The following TRPM3 variants were observed in gnomAD, a reference collection of about 807,000 sequenced individuals.
TRPM3 encodes long transient receptor potential channel 3.
TRPM3 carries 77 observed loss-of-function variants against 181.2 expected under a neutral mutation model. The ratio of observed to expected loss-of-function variants is 0.42; its 90% CI spans 0.35 to 0.51. The LOEUF (loss-of-function observed/expected upper bound fraction) is 0.51. Ranked by LOEUF, TRPM3 falls within the 20% of genes least tolerant of loss-of-function variation. TRPM3 has a pLI of 0.01. For missense variants in TRPM3, 1,759 were observed against 2,196.7 expected, an observed-to-expected ratio of 0.80 and a Z score of 3.98; for synonymous variants, 745 against 796.4, an observed-to-expected ratio of 0.94 and a Z score of 1.09.
intron 24 of TRPM3, among the ~76,000 whole-genome samples, chr9:70,550,997 T>C (rs1256553117): frequency 6.6e-6 from 1 of 152,172 alleles, no homozygotes; most frequent in Non-Finnish European, 1.5e-5. Context: ...GCACAGATGA[T>C]TGCTATTGCT....
chr9:70,566,801 G>C (rs541143051), intron 22 of TRPM3, among the ~76,000 whole-genome samples: 2 of 152,288 alleles, frequency 1.3e-5, no homozygotes, highest in Admixed American at 6.5e-5. Flanking sequence ...TCCACCTACT[G>C]TAAGAAATGG....
intron 18 of TRPM3, 136 bp downstream of exon 18, chr9:70,615,772 G>A (rs1215004443): frequency 1.5e-5 from 13 of 851,906 alleles, no homozygotes; most frequent in Middle Eastern, 5.2e-4. Flanking sequence ...TGAAATGAAA[G>A]CACTCCATGA....
chr9:70,769,529 G>A (rs1165450987), intron 7 of TRPM3, among the ~76,000 whole-genome samples: 1 of 151,948 alleles, frequency 6.6e-6, no homozygotes, highest in East Asian at 1.9e-4. Context: ...AAGCTTTAGT[G>A]AAGACATGCT....
intron 1 of TRPM3, among the ~76,000 whole-genome samples, chr9:70,904,575 A>G (rs2096435386): frequency 6.6e-6 from 1 of 152,186 alleles, no homozygotes; most frequent in Non-Finnish European, 1.5e-5. Context: ...TGCTGGGGCC[A>G]ACACATATTA....
intron 1 of TRPM3, among the ~76,000 whole-genome samples, chr9:71,399,216 A>G (rs888139396): frequency 3.3e-5 from 5 of 152,194 alleles, no homozygotes; most frequent in African/African-American, 4.8e-5. Flanking sequence ...ATTAAAAATC[A>G]TGACTTAGAA....
At position 71,121,371 on chromosome 9, in the gene TRPM3, C is replaced by A. The variant is rs751961616; in HGVS notation, c.-17G>T. 4.3e-6 allele frequency: 7 copies of A among 1,611,944 alleles called. No homozygotes were observed. The highest frequency in any genetic ancestry group is 1.1e-5 in the South Asian group (1 of 90,860). ...CTCTGGCATCCCATGGTCATCTCCA[C>A]ACCTGCAAATTCCATTAGGGCAGAG... On this transcript the variant is annotated 5_prime_UTR_variant, in exon 1 of 26. Coordinates refer to ENST00000677713, the MANE Select transcript of TRPM3 (RefSeq NM_001366145.2).
At chr9:71,400,685 A>G (rs2093321621) in intron 1 of TRPM3, among the ~76,000 whole-genome samples, 1 of 152,120 alleles carries the variant, frequency 6.6e-6, no homozygotes, top group African/African-American at 2.4e-5. Flanking sequence ...ATAGTTTACT[A>G]TTACTGGTAA....
At chr9:70,905,414 A>T (rs1000803765) in intron 1 of TRPM3, among the ~76,000 whole-genome samples, 4 of 152,154 alleles carry the variant, frequency 2.6e-5, no homozygotes, top group South Asian at 2.1e-4. Context: ...AGCAACTGTT[A>T]ACATCTTACA....
At chr9:71,231,028 A>G (rs2081015711) in intron 1 of TRPM3, among the ~76,000 whole-genome samples, 1 of 152,234 alleles carries the variant, frequency 6.6e-6, no homozygotes, top group African/African-American at 2.4e-5. Flanking sequence ...TAAAGGAATA[A>G]AGTAATGTTC....
rs76713720 is a variant in TRPM3, at chr9:70,823,661, A to C, written c.973+4186T>G. ...AAAAACTATCGGCCATCACACAGTT[A>C]GTCATTTTCTTACTTATTACTATGG... is the stretch of plus-strand genomic sequence containing the variant. On this transcript the variant is annotated intron_variant, in intron 6 of 25. Coordinates refer to ENST00000677713, the MANE Select transcript of TRPM3 (RefSeq NM_001366145.2). 8.3e-3 allele frequency among the ~76,000 whole-genome samples: 1,230 copies of C among 148,736 alleles called. 7 individuals carry two copies. The highest frequency in any genetic ancestry group is 0.014 in the Non-Finnish European group (912 of 67,050).
chr9:70,603,261 G>T lies in TRPM3; in HGVS notation c.2796+81C>A. On this transcript the variant is annotated intron_variant, in intron 20 of 25. Transcript: ENST00000677713. ...AGTTTCCGGCTTAATTTGCATCCCA[G>T]GCATCTTCCTGTCCCCTCCATCCAC... 1.3e-5 allele frequency: 19 copies of T among 1,498,276 alleles called. No homozygotes were observed. The South Asian group carries it at 2.2e-4, about 17-fold the overall frequency. 92.8% of individuals were successfully genotyped at this position (1,498,276 alleles called of 1,614,324 possible). A position where few individuals can be genotyped will look rare whatever the true frequency, so the allele number is the denominator to read the frequency against.
At position 70,534,557 on chromosome 9, in the gene TRPM3, A is replaced by G. The variant is rs950260601; in HGVS notation, c.*1396T>C. 1 of 152,226 alleles carries G rather than the reference A, an allele frequency of 6.6e-6. No individual in the cohort carries two copies. Among genetic ancestry groups the G allele is most frequent in the Non-Finnish European group, 1.5e-5 (1 of 68,032 alleles). The allele number at this position is 152,226 out of a possible 1,614,324, so 9.4% of individuals were successfully genotyped here. ...TACATGTGTATAAGTGGCATATACT[A>G]TAGAACTCTTTATATGGTTTATTTG... is the stretch of plus-strand genomic sequence containing the variant. On this transcript the variant is annotated 3_prime_UTR_variant, in exon 26 of 26. Transcript: ENST00000677713.
intron 6 of TRPM3, among the ~76,000 whole-genome samples, chr9:70,821,745 C>T (rs1040730219): frequency 3.9e-5 from 6 of 152,092 alleles, no homozygotes; most frequent in Admixed American, 6.6e-5. Context: ...CATTCATAGA[C>T]ACTGATGGTA....
chr9:71,146,656 G>T (rs1302762825), intron 1 of TRPM3, among the ~76,000 whole-genome samples: 1 of 151,976 alleles, frequency 6.6e-6, no homozygotes, highest in Non-Finnish European at 1.5e-5. Context: ...TGTCAGGTTG[G>T]TAACACTCAG....
chr9:71,110,198 T>G (rs2070755030), intron 1 of TRPM3, among the ~76,000 whole-genome samples: 1 of 152,102 alleles, frequency 6.6e-6, no homozygotes, highest in Non-Finnish European at 1.5e-5. Flanking sequence ...CCGTCATTCC[T>G]AAGTAAATTC....
intron 1 of TRPM3, among the ~76,000 whole-genome samples, chr9:70,891,334 A>G (rs2096199444): frequency 6.6e-6 from 1 of 152,214 alleles, no homozygotes; most frequent in Non-Finnish European, 1.5e-5. Context: ...TGCTGGGAAA[A>G]GGGAATAAAA....
intron 1 of TRPM3, among the ~76,000 whole-genome samples, chr9:71,415,067 C>T (rs1245908402): frequency 6.6e-6 from 1 of 151,976 alleles, no homozygotes; most frequent in Non-Finnish European, 1.5e-5. Context: ...AAAGCAGTCA[C>T]AATTATCATT....
intron 10 of TRPM3, 78 bp from the exon 11 acceptor site, chr9:70,639,272 T>TA: frequency 6.7e-7 from 1 of 1,499,170 alleles, no homozygotes; most frequent in Non-Finnish European, 9.1e-7. Context: ...CTTGAACAGC[T>TA]TAGAAATGGA....
At chr9:70,748,327 T>A (rs2075540388) in intron 8 of TRPM3, among the ~76,000 whole-genome samples, 3 of 152,288 alleles carry the variant, frequency 2.0e-5, no homozygotes, top group Middle Eastern at 6.8e-3. Flanking sequence ...ATTAGAGCCA[T>A]AGCTGCCAGG....
Sources: gnomAD v4.1 joint callset for allele counts (sites outside exome capture counted in the v4.1 genomes callset) on GRCh38, gnomAD v4.1.1 for gene constraint, MANE v1.5 for transcripts, NCBI Gene and HGNC (gene_info 2026-07-23, HGNC 2026-07-21) for gene names.